FHOD3: variants seen among roughly 807,000 people sequenced by gnomAD.
FHOD3 encodes FH1/FH2 domain-containing protein 3.
In FHOD3, 90 loss-of-function variants were observed where a neutral mutation model predicts 173.0. The ratio of observed to expected loss-of-function variants is 0.52; its 90% CI spans 0.44 to 0.62. The LOEUF (loss-of-function observed/expected upper bound fraction) is 0.62, where lower values mean the gene tolerates loss of function less well. Among genes scored for constraint, FHOD3 ranks in the 20% least tolerant of loss-of-function variants. The pLI is 0.00. For synonymous variants in FHOD3, 828 were observed against 823.0 expected (o/e 1.01, Z -0.10); for missense variants, 1,945 against 2,034.7 (o/e 0.96, Z 0.85).
intron 14 of FHOD3, among the ~76,000 whole-genome samples, chr18:36,668,437 T>A (rs1007943952): frequency 1.3e-5 from 2 of 152,168 alleles, no homozygotes; most frequent in Admixed American, 6.5e-5. Context: ...GGCTAGAGAT[T>A]TATCAATTTT....
At chr18:36,691,450 A>G (rs1435944250) in intron 16 of FHOD3, among the ~76,000 whole-genome samples, 1 of 152,190 alleles carries the variant, frequency 6.6e-6, no homozygotes, top group Admixed American at 6.5e-5. Flanking sequence ...TGAACTTGCC[A>G]CCATCCCATT....
intron 5 of FHOD3, among the ~76,000 whole-genome samples, chr18:36,524,727 T>G (rs2056435495): frequency 6.6e-6 from 1 of 152,204 alleles, no homozygotes; most frequent in African/African-American, 2.4e-5. Context: ...TCTGGAGGAT[T>G]GAATAAACAT....
At chr18:36,562,503 C>G (rs1038782952) in intron 5 of FHOD3, among the ~76,000 whole-genome samples, 2 of 152,198 alleles carry the variant, frequency 1.3e-5, no homozygotes, top group Admixed American at 6.5e-5. Context: ...ATCAAACATG[C>G]AGCTGTGCAG....
intron 3 of FHOD3, among the ~76,000 whole-genome samples, chr18:36,403,177 G>T (rs1355003080): frequency 6.6e-6 from 1 of 152,228 alleles, no homozygotes; most frequent in Non-Finnish European, 1.5e-5. Flanking sequence ...AGGGAGCTAT[G>T]TGTGTCTCCT....
At chr18:36,768,091 T>A (rs1454656372) in intron 27 of FHOD3, among the ~76,000 whole-genome samples, 2 of 152,224 alleles carry the variant, frequency 1.3e-5, no homozygotes, top group Non-Finnish European at 2.9e-5. Flanking sequence ...CCATAGGCAA[T>A]GATTCTGATA....
chr18:36,473,413 C>G (rs1292088473), intron 3 of FHOD3, among the ~76,000 whole-genome samples: 1 of 152,188 alleles, frequency 6.6e-6, no homozygotes, highest in African/African-American at 2.4e-5. Context: ...GACTCCATCT[C>G]AAACAAACAA....
At chr18:36,586,381 C>G (rs1432827432) in intron 6 of FHOD3, among the ~76,000 whole-genome samples, 2 of 152,242 alleles carry the variant, frequency 1.3e-5, no homozygotes, top group Non-Finnish European at 2.9e-5. Flanking sequence ...TGATTTCCCT[C>G]AACCACGAAT....
At chr18:36,517,515 T>G (rs1162341449) in intron 5 of FHOD3, among the ~76,000 whole-genome samples, 2 of 152,114 alleles carry the variant, frequency 1.3e-5, no homozygotes, top group Non-Finnish European at 2.9e-5. Flanking sequence ...GAGAGAGAGA[T>G]AAATAGAAAC....
At chr18:36,339,744 A>G (rs1330469529) in intron 1 of FHOD3, among the ~76,000 whole-genome samples, 3 of 152,172 alleles carry the variant, frequency 2.0e-5, no homozygotes, top group Non-Finnish European at 2.9e-5. Context: ...GTGAAACTCT[A>G]CATATGTCCA....
At chr18:36,719,073 G>A (rs780627755) in intron 19 of FHOD3, among the ~76,000 whole-genome samples, 1 of 152,172 alleles carries the variant, frequency 6.6e-6, no homozygotes, top group African/African-American at 2.4e-5. Context: ...CACCAAACAC[G>A]GGATATGCTT....
intron 6 of FHOD3, among the ~76,000 whole-genome samples, chr18:36,593,697 AG>A (rs2029866538): frequency 6.6e-6 from 1 of 152,166 alleles, no homozygotes; most frequent in Non-Finnish European, 1.5e-5. Context: ...GGTGGGCGAG[AG>A]GTCATGGATT....
At chr18:36,634,754 C>A (rs1225797044) in intron 10 of FHOD3, among the ~76,000 whole-genome samples, 1 of 152,144 alleles carries the variant, frequency 6.6e-6, no homozygotes, top group African/African-American at 2.4e-5. Context: ...AGAGTTAACA[C>A]AAATATGTGC....
chr18:36,450,972 A>G (rs1513846), intron 3 of FHOD3, among the ~76,000 whole-genome samples: 13,768 of 152,278 alleles, frequency 0.09, 1,683 homozygotes, highest in East Asian at 0.26. Flanking sequence ...GAGGTCTTAC[A>G]TCAGAATAAT....
In FHOD3 at chr18:36,436,297, C is replaced by T. The variant is rs1708695; in HGVS notation, c.337+63553C>T. ...TCTATGCCCTTTGTATTTCTATATA[C>T]ATTTTAATAATCAGATTGTTGATTT... On this transcript the variant is annotated intron_variant, in intron 3 of 28. Transcript: ENST00000590592. Among the ~76,000 whole-genome samples the T allele has an allele frequency of 3.1e-3, 465 of 152,256 alleles. 3 individuals carry two copies. Among genetic ancestry groups the T allele is most frequent in the African/African-American group, 0.01 (433 of 41,542 alleles).
In FHOD3 at chr18:36,722,144, T is replaced by C. The variant is rs116268657; in HGVS notation, c.3417+3429T>C. Among the ~76,000 whole-genome samples the C allele has an allele frequency of 9.0e-3, 1,371 of 152,336 alleles. 18 individuals are homozygous for C. Among genetic ancestry groups the C allele is most frequent in the African/African-American group, 0.031 (1,272 of 41,576 alleles). On this transcript the variant is annotated intron_variant, in intron 19 of 28. Transcript: ENST00000590592. ...ATAAGATGAATCATATTGTGTTTTA[T>C]GGTAAAAGGTAGAAATCCTGTGCTA...
intron 10 of FHOD3, among the ~76,000 whole-genome samples, chr18:36,635,234 G>A (rs368684718): frequency 6.6e-6 from 1 of 152,178 alleles, no homozygotes; most frequent in Non-Finnish European, 1.5e-5. Flanking sequence ...TATCTGGGGC[G>A]GGATTGGCTT....
intron 5 of FHOD3, among the ~76,000 whole-genome samples, chr18:36,532,840 A>G (rs1363399955): frequency 1.2e-4 from 18 of 152,150 alleles, no homozygotes; most frequent in Non-Finnish European, 4.4e-5. Flanking sequence ...TTCCATTAAA[A>G]CGTTTAAAGG....
intron 1 of FHOD3, among the ~76,000 whole-genome samples, chr18:36,311,221 G>A (rs906598612): frequency 3.9e-5 from 6 of 152,078 alleles, no homozygotes; most frequent in Admixed American, 1.3e-4. Flanking sequence ...CAGGGAGGGC[G>A]GGGACCCCTG....
At chr18:36,725,981 G>A (rs979848933) in intron 19 of FHOD3, among the ~76,000 whole-genome samples, 1 of 151,860 alleles carries the variant, frequency 6.6e-6, no homozygotes, top group Non-Finnish European at 1.5e-5. Context: ...TTAAGAACAT[G>A]TTTGACACTT....
Sources: allele counts gnomAD v4.1 joint callset (sites outside exome capture counted in the v4.1 genomes callset), GRCh38; gene constraint gnomAD v4.1.1; transcripts MANE v1.5; gene names NCBI Gene and HGNC (gene_info 2026-07-23, HGNC 2026-07-21).